The following OSBPL8 variants were observed in gnomAD, a reference collection of about 807,000 sequenced individuals.
OSBPL8 encodes oxysterol binding protein like 8.
Under a neutral mutation model 125.5 loss-of-function variants are expected in OSBPL8, and 59 were observed. The ratio of observed to expected loss-of-function variants is 0.47; its 90% CI spans 0.38 to 0.58. OSBPL8 has a LOEUF of 0.58. Ranked by LOEUF, OSBPL8 falls within the 20% of genes least tolerant of loss-of-function variation. The pLI, the probability that OSBPL8 is intolerant of heterozygous loss-of-function variation, is 0.00. For missense variants in OSBPL8, 758 were observed against 1,047.8 expected (o/e 0.72, Z 3.82); for synonymous variants, 330 against 338.9 (o/e 0.97, Z 0.29).
intron 2 of OSBPL8, among the ~76,000 whole-genome samples, chr12:76,476,745 T>C (rs1173036609): frequency 2.6e-5 from 4 of 152,200 alleles, no homozygotes; most frequent in African/African-American, 9.6e-5. Context: ...TCTGAAAACC[T>C]ACACAGAATG....
chr12:76,487,752 T>C, intron 1 of OSBPL8, 134 bp from the exon 2 acceptor site: 1 of 399,242 alleles, frequency 2.5e-6, no homozygotes, highest in Non-Finnish European at 4.4e-6. Context: ...AAAAAAAAAA[T>C]TGACATGGGC....
intron 1 of OSBPL8, among the ~76,000 whole-genome samples, chr12:76,505,588 A>G (rs1321892628): frequency 6.6e-6 from 1 of 152,114 alleles, no homozygotes; most frequent in Non-Finnish European, 1.5e-5. Context: ...AAAATTTTAG[A>G]TAGGATTGCC....
intron 6 of OSBPL8, among the ~76,000 whole-genome samples, chr12:76,400,485 G>A (rs1313109804): frequency 1.3e-5 from 2 of 152,146 alleles, no homozygotes; most frequent in Non-Finnish European, 2.9e-5. Flanking sequence ...CTTTATAACA[G>A]AATGATTACA....
chr12:76,532,036 C>CAAA (rs56122052), intron 1 of OSBPL8, among the ~76,000 whole-genome samples: 22 of 89,938 alleles, frequency 2.4e-4, no homozygotes, highest in South Asian at 4.2e-4. Flanking sequence ...GACTCCTTCT[C>CAAA]AAAAAAAAAA....
chr12:76,400,019 G>A (rs1363601002), intron 6 of OSBPL8, 45 bp from the exon 7 acceptor site: 1 of 1,441,430 alleles, frequency 6.9e-7, no homozygotes. Context: ...CAACAGAAAT[G>A]AGCAATTTAT....
Position 76,428,336 on chromosome 12 carries a change from C to T in OSBPL8, c.218-17702G>A, listed in dbSNP as rs562392839. ...AAGATTCAGACTGGGGAAGATAGCTCATTGGAAAATTAGAATTTTAATGAG... is the reference window on the plus strand; with the variant it reads ...AAGATTCAGACTGGGGAAGATAGCTTATTGGAAAATTAGAATTTTAATGAG... On this transcript the variant is annotated intron_variant, in intron 4 of 23. Transcript: ENST00000261183. 7.2e-5 allele frequency among the ~76,000 whole-genome samples: 11 copies of T among 151,850 alleles called. No individual in the cohort carries two copies. In the South Asian group the frequency reaches 2.3e-3, roughly 32 times the overall value.
intron 22 of OSBPL8, 148 bp downstream of exon 22, chr12:76,358,558 T>C (rs1952078283): frequency 6.2e-6 from 4 of 642,458 alleles, no homozygotes; most frequent in Admixed American, 5.8e-5. Flanking sequence ...TCTCACAACT[T>C]ATCTATGATC....
chr12:76,448,226 T>G (rs1872950394), intron 4 of OSBPL8, among the ~76,000 whole-genome samples: 1 of 152,224 alleles, frequency 6.6e-6, no homozygotes, highest in African/African-American at 2.4e-5. Context: ...ACTCCTTACA[T>G]CTATACAATG....
At chr12:76,516,691 T>C (rs1881565970) in intron 1 of OSBPL8, among the ~76,000 whole-genome samples, 1 of 152,176 alleles carries the variant, frequency 6.6e-6, no homozygotes, top group Non-Finnish European at 1.5e-5. Context: ...CCAAGTGAGA[T>C]TTAAAAAAGG....
chr12:76,534,816 T>C (rs886912755), intron 1 of OSBPL8, among the ~76,000 whole-genome samples: 1 of 151,986 alleles, frequency 6.6e-6, no homozygotes, highest in Non-Finnish European at 1.5e-5. Context: ...CATATATCAA[T>C]GGAATAGAAT....
chr12:76,358,564 T>G, intron 22 of OSBPL8, 142 bp downstream of exon 22: 2 of 650,502 alleles, frequency 3.1e-6, no homozygotes, highest in Non-Finnish European at 2.7e-6. Context: ...AACTTATCTA[T>G]GATCTAGAAT....
intron 19 of OSBPL8, 80 bp downstream of exon 19, chr12:76,371,368 G>C: frequency 2.9e-6 from 4 of 1,392,878 alleles, no homozygotes; most frequent in Non-Finnish European, 3.8e-6. Flanking sequence ...GACAGAAGGT[G>C]ACAAAATGAC....
At chr12:76,552,464 AGC>A (rs1950973766) in intron 1 of OSBPL8, among the ~76,000 whole-genome samples, 1 of 149,882 alleles carries the variant, frequency 6.7e-6, no homozygotes, top group East Asian at 2.0e-4. Flanking sequence ...AAATGTTGCA[AGC>A]AAGAGGGAGC....
intron 3 of OSBPL8, among the ~76,000 whole-genome samples, chr12:76,451,991 C>T (rs578226745): frequency 6.6e-6 from 1 of 152,172 alleles, no homozygotes; most frequent in South Asian, 2.1e-4. Flanking sequence ...TGTTGGCGCG[C>T]CTGTAATCCC....
At chr12:76,437,359 A>G (rs1871592459) in intron 4 of OSBPL8, among the ~76,000 whole-genome samples, 1 of 152,142 alleles carries the variant, frequency 6.6e-6, no homozygotes, top group South Asian at 2.1e-4. Context: ...ATAGCAATTC[A>G]TTACTATTTG....
At chr12:76,422,458 A>G (rs1017562869) in intron 4 of OSBPL8, 5 of 445,820 alleles carry the variant, frequency 1.1e-5, no homozygotes, top group Non-Finnish European at 2.3e-5. Flanking sequence ...TGCCTGGTTT[A>G]TTTTAATTAA....
At chr12:76,459,753 G>A in intron 3 of OSBPL8, 106 bp downstream of exon 3, 1 of 1,298,630 alleles carries the variant, frequency 7.7e-7, no homozygotes, top group Non-Finnish European at 1.1e-6. Context: ...AAGAAAAGTA[G>A]AACACTTAAT....
chr12:76,481,881 G>A (rs1237073837), intron 2 of OSBPL8, among the ~76,000 whole-genome samples: 1 of 152,120 alleles, frequency 6.6e-6, no homozygotes, highest in Non-Finnish European at 1.5e-5. Flanking sequence ...ATAGATAGCT[G>A]GGCTTCTTAG....
At chr12:76,446,364 G>C (rs904556142) in intron 4 of OSBPL8, among the ~76,000 whole-genome samples, 7 of 152,122 alleles carry the variant, frequency 4.6e-5, no homozygotes, top group African/African-American at 1.7e-4. Flanking sequence ...CATGAAAACT[G>C]TGATATGGAA....
Sources: gnomAD v4.1 joint callset for allele counts (sites outside exome capture counted in the v4.1 genomes callset) on GRCh38, gnomAD v4.1.1 for gene constraint, MANE v1.5 for transcripts, NCBI Gene and HGNC (gene_info 2026-07-23, HGNC 2026-07-21) for gene names.